Variants in MAPK10 observed in about 807,000 individuals in gnomAD.
The protein encoded by MAPK10 is mitogen-activated protein kinase 10.
Under a neutral mutation model 59.3 loss-of-function variants are expected in MAPK10, and 25 were observed. The observed-to-expected ratio is 0.42, with a 90% confidence interval of 0.31 to 0.59. The LOEUF is 0.59. Ranked by LOEUF, MAPK10 falls within the 20% of genes least tolerant of loss-of-function variation. MAPK10 has a pLI of 0.15. For synonymous variants in MAPK10, 190 were observed against 200.5 expected (o/e 0.95, Z 0.44); for missense variants, 351 against 568.9 (o/e 0.62, Z 3.90).
intron 1 of MAPK10, among the ~76,000 whole-genome samples, chr4:86,490,893 C>T (rs189853530): frequency 8.5e-5 from 13 of 152,334 alleles, no homozygotes; most frequent in African/African-American, 3.1e-4. Flanking sequence ...ATTTATTTAG[C>T]TCCTAAACCT....
chr4:86,066,563 G>A (rs865932277), intron 10 of MAPK10, among the ~76,000 whole-genome samples: 5 of 151,702 alleles, frequency 3.3e-5, no homozygotes, highest in Non-Finnish European at 7.4e-5. Flanking sequence ...TCAGGAGGTC[G>A]AGACGATCCT....
intron 2 of MAPK10, among the ~76,000 whole-genome samples, chr4:86,273,543 A>G (rs1362200442): frequency 6.6e-6 from 1 of 152,028 alleles, no homozygotes. Flanking sequence ...ACCAAGAGCC[A>G]TTCAGTCTAA....
intron 2 of MAPK10, among the ~76,000 whole-genome samples, chr4:86,241,604 C>T (rs1164356768): frequency 6.6e-6 from 1 of 152,086 alleles, no homozygotes; most frequent in African/African-American, 2.4e-5. Context: ...ATCCTTTCTT[C>T]CACTTGGTTG....
At chr4:86,279,476 A>G (rs924077504) in intron 2 of MAPK10, among the ~76,000 whole-genome samples, 1 of 152,180 alleles carries the variant, frequency 6.6e-6, no homozygotes, top group African/African-American at 2.4e-5. Context: ...AAACAGGAAG[A>G]ATAATATCTG....
At chr4:86,020,863 CT>C (rs1746249339) in intron 13 of MAPK10, 1 of 152,434 alleles carries the variant, frequency 6.6e-6, no homozygotes, top group Non-Finnish European at 1.5e-5. Flanking sequence ...GTAGCAACAT[CT>C]ACTGCAAAGA....
At chr4:86,363,658 C>G (rs1375601570), upstream of MAPK10, among the ~76,000 whole-genome samples, 2 of 152,134 alleles carry the variant, frequency 1.3e-5, no homozygotes, top group African/African-American at 4.8e-5. Flanking sequence ...TTGAAATTTA[C>G]TCTCTTAGTT....
intron 1 of MAPK10, among the ~76,000 whole-genome samples, chr4:86,487,164 AG>A (rs1754059264): frequency 6.6e-6 from 1 of 152,212 alleles, no homozygotes; most frequent in African/African-American, 2.4e-5. Context: ...AGACATGATT[AG>A]GGCAATTTGC....
chr4:86,503,547 G>A (rs1755485940), intron 1 of MAPK10, among the ~76,000 whole-genome samples: 1 of 152,016 alleles, frequency 6.6e-6, no homozygotes, highest in African/African-American at 2.4e-5. Flanking sequence ...CCTCTCCATT[G>A]CAATTCCAAG....
chr4:86,058,350 T>C (rs1716154181), intron 11 of MAPK10, among the ~76,000 whole-genome samples: 2 of 149,478 alleles, frequency 1.3e-5, no homozygotes, highest in African/African-American at 2.5e-5. Flanking sequence ...GTCCTCCCCC[T>C]TTCTTTAGTT....
intron 4 of MAPK10, among the ~76,000 whole-genome samples, chr4:86,110,196 GT>G (rs1274942362): frequency 6.6e-6 from 1 of 152,170 alleles, no homozygotes; most frequent in Non-Finnish European, 1.5e-5. Flanking sequence ...TCTGATGACA[GT>G]TTCTTTTGCT....
chr4:86,460,654 T>G (rs957904799), intron 1 of MAPK10, among the ~76,000 whole-genome samples: 3 of 152,136 alleles, frequency 2.0e-5, no homozygotes, highest in African/African-American at 7.2e-5. Flanking sequence ...GTTTACAGAA[T>G]AAGGGCAAGC....
chr4:86,458,084 G>A (rs1318803513), upstream of MAPK10: 1 of 152,160 alleles, frequency 6.6e-6, no homozygotes, highest in Non-Finnish European at 1.5e-5. Context: ...GATCACCTGA[G>A]GTCAGGAGTT....
At chr4:86,322,235 C>T (rs990020523) in intron 2 of MAPK10, among the ~76,000 whole-genome samples, 1 of 152,132 alleles carries the variant, frequency 6.6e-6, no homozygotes, top group African/African-American at 2.4e-5. Flanking sequence ...AGAAAAACAG[C>T]AGAAAAATTT....
intron 2 of MAPK10, among the ~76,000 whole-genome samples, chr4:86,230,730 A>G (rs923687104): frequency 6.6e-5 from 10 of 152,198 alleles, no homozygotes; most frequent in African/African-American, 2.4e-4. Flanking sequence ...ATTTCTATGC[A>G]ATTTAAGTTT....
At chr4:86,021,943 T>A (rs1326434649) in intron 13 of MAPK10, among the ~76,000 whole-genome samples, 2 of 152,212 alleles carry the variant, frequency 1.3e-5, no homozygotes, top group Non-Finnish European at 2.9e-5. Context: ...CAACTCCAGC[T>A]GGCCCGCAAG....
intron 2 of MAPK10, chr4:86,336,580 G>A (rs1397157146): frequency 6.6e-6 from 1 of 152,136 alleles, no homozygotes; most frequent in African/African-American, 2.4e-5. Flanking sequence ...CAAGGTCTTT[G>A]CTCAATGACA....
At chr4:86,582,475 C>T (rs577292823) in intron 1 of MAPK10, among the ~76,000 whole-genome samples, 10 of 152,236 alleles carry the variant, frequency 6.6e-5, no homozygotes, top group South Asian at 6.2e-4. Context: ...CAAAATTATA[C>T]GAACCTTATC....
intron 1 of MAPK10, among the ~76,000 whole-genome samples, chr4:86,404,272 G>A (rs1744087413): frequency 6.6e-6 from 1 of 152,086 alleles, no homozygotes; most frequent in South Asian, 2.1e-4. Flanking sequence ...ACATGGGAGA[G>A]AATGGTACAA....
intron 1 of MAPK10, among the ~76,000 whole-genome samples, chr4:86,540,882 C>A (rs1758634681): frequency 6.6e-6 from 1 of 151,844 alleles, no homozygotes; most frequent in Non-Finnish European, 1.5e-5. Context: ...GTGGGAGGAT[C>A]ACTTGAGCCC....
Sources: gnomAD v4.1 joint callset for allele counts (sites outside exome capture counted in the v4.1 genomes callset) on GRCh38, gnomAD v4.1.1 for gene constraint, MANE v1.5 for transcripts, NCBI Gene and HGNC (gene_info 2026-07-23, HGNC 2026-07-21) for gene names.